The following SERPINA12 variants were observed in gnomAD, a reference collection of about 807,000 sequenced individuals.
SERPINA12 encodes the protein serpin family A member 12.
In SERPINA12, 21 loss-of-function variants were observed where a neutral mutation model predicts 25.9. The observed-to-expected ratio is 0.81, with a 90% confidence interval of 0.58 to 1.17. The LOEUF (loss-of-function observed/expected upper bound fraction) is 1.17. Ranked by LOEUF, SERPINA12 falls within the 50% of genes most tolerant of loss-of-function variation. The probability of loss-of-function intolerance (pLI) is 0.00; values close to 1 mark genes in which losing one functional copy is unlikely to be tolerated. For synonymous variants in SERPINA12, 220 were observed against 196.0 expected, an observed-to-expected ratio of 1.12 and a Z score of -1.02; for missense variants, 562 against 508.3, an observed-to-expected ratio of 1.11 and a Z score of -1.02.
At chr14:94,502,460 CAAT>C (rs1190389115) in intron 1 of SERPINA12, among the ~76,000 whole-genome samples, 5 of 152,164 alleles carry the variant, frequency 3.3e-5, no homozygotes, top group African/African-American at 9.7e-5. Flanking sequence ...GCAGACTCAA[CAAT>C]AATAATATTT....
chr14:94,498,006 T>G lies in SERPINA12; in HGVS notation c.392A>C (p.Lys131Thr). Residue 131 changes from lysine (K) to threonine (T), a missense_variant, in exon 2 of 5, where the codon AAA becomes ACA. By Grantham distance (78) the Lys-to-Thr change is moderately conservative. Transcript: ENST00000677451. ...GAACAGCGTGTTCCCAATGCTCAGT[T>G]TGAGGTCCTGGGTCTTCTGGGTCAG... Reference protein sequence around the residue: ...HELTQKTQDLKLSIGNTLFID... With the variant: ...HELTQKTQDLTLSIGNTLFID... The G allele has an allele frequency of 1.9e-6, 3 of 1,614,152 alleles. No individual in the cohort carries two copies. The highest frequency in any genetic ancestry group is 2.5e-6 in the Non-Finnish European group (3 of 1,180,012).
intron 1 of SERPINA12, among the ~76,000 whole-genome samples, chr14:94,505,489 T>G (rs1389376702): frequency 6.6e-6 from 1 of 152,176 alleles, no homozygotes; most frequent in African/African-American, 2.4e-5. Flanking sequence ...GACTTCACAC[T>G]GGCCGGCTCT....
At chr14:94,516,604 C>T (rs186731757) in intron 1 of SERPINA12, among the ~76,000 whole-genome samples, 37 of 152,332 alleles carry the variant, frequency 2.4e-4, no homozygotes, top group African/African-American at 8.4e-4. Context: ...CCAGAAATAC[C>T]TTTCTCTCGT....
chr14:94,506,665 C>A (rs1900941237), intron 1 of SERPINA12, among the ~76,000 whole-genome samples: 1 of 152,224 alleles, frequency 6.6e-6, no homozygotes, highest in Admixed American at 6.5e-5. Flanking sequence ...ATTTCTAAAG[C>A]AGTTGTTTCC....
chr14:94,505,059 G>A (rs1900884202), intron 1 of SERPINA12, among the ~76,000 whole-genome samples: 1 of 152,198 alleles, frequency 6.6e-6, no homozygotes, highest in South Asian at 2.1e-4. Context: ...ATGAGCTCCA[G>A]TGAGCAGAAA....
chr14:94,496,515 G>A lies in SERPINA12; in HGVS notation c.763C>T (p.Leu255Phe), dbSNP rs771532951. The change falls in exon 3 of 5, where the codon CTC (leucine) becomes TTC (phenylalanine). Residue 255 changes from leucine to phenylalanine, a missense_variant. Physicochemically the swap from Leu to Phe is conservative, Grantham distance 22 (BLOSUM62 0). Coordinates refer to ENST00000677451, the MANE Select transcript of SERPINA12 (RefSeq NM_001382267.1). ...GGTATTTCCAGGATGGTGCAAGAGA[G>A]CTTATCGTCATAGCCAACTTGGTAT... ...GIYQVGYDDK[L>F]SCTILEIPYQ... 2.5e-6 allele frequency: 4 copies of A among 1,613,970 alleles called. No homozygotes were observed. The highest frequency in any genetic ancestry group is 2.7e-5 in the African/African-American group (2 of 74,992).
rs763631062 is a variant in SERPINA12 at position 94,496,325 on chromosome 14, G to A, written c.905+48C>T. ...AGAGCTCAGACAGCAGAAATAAGAG[G>A]GAAGACAAGAGAAGGAAAAAGCTGC... On this transcript the variant is annotated intron_variant, in intron 3 of 4. Coordinates refer to ENST00000677451, the MANE Select transcript of SERPINA12 (RefSeq NM_001382267.1). 3.7e-6 allele frequency: 6 copies of A among 1,602,030 alleles called. No homozygotes were observed. In the African/African-American group the frequency reaches 8.0e-5, roughly 21 times the overall value.
intron 3 of SERPINA12, among the ~76,000 whole-genome samples, chr14:94,490,950 G>T (rs1278865960): frequency 1.3e-5 from 2 of 152,090 alleles, no homozygotes; most frequent in East Asian, 3.9e-4. Context: ...CTGCTTCCAG[G>T]CTCAGACCTT....
chr14:94,517,788 T>C (rs972929446), exon 1 of SERPINA12: 5 of 152,238 alleles, frequency 3.3e-5, no homozygotes, highest in African/African-American at 1.2e-4. Flanking sequence ...TCCCCTCAGA[T>C]GCCAGCCAGA....
At position 94,498,437 on chromosome 14, in the gene SERPINA12, T is replaced by A; in HGVS notation, c.-33-7A>T. The stretch of plus-strand genomic sequence containing the variant: ...ATCCTGTTGAGTAGTAGACCTGAGG[T>A]CAGCAGAAAAAAAGAACATGATAAC... On this transcript the variant is annotated splice_region_variant and splice_polypyrimidine_tract_variant and intron_variant, in intron 1 of 4. Transcript: ENST00000677451. 1 of 1,579,188 alleles carries A rather than the reference T, an allele frequency of 6.3e-7. No homozygotes were observed. Among genetic ancestry groups the A allele is most frequent in the Admixed American group, 1.9e-5 (1 of 53,728 alleles).
chr14:94,511,399 G>A, upstream of SERPINA12: 1 of 984,866 alleles, frequency 1.0e-6, no homozygotes. Context: ...AGCTTCATAA[G>A]AATTTCTTAA....
intron 1 of SERPINA12, among the ~76,000 whole-genome samples, chr14:94,498,687 A>G (rs1900580423): frequency 6.6e-6 from 1 of 152,206 alleles, no homozygotes; most frequent in African/African-American, 2.4e-5. Flanking sequence ...CAGTGTCTCA[A>G]TTCCTTTGAG....
chr14:94,510,911 T>C (rs1440280342), upstream of SERPINA12, among the ~76,000 whole-genome samples: 2 of 152,000 alleles, frequency 1.3e-5, no homozygotes, highest in Non-Finnish European at 2.9e-5. Flanking sequence ...GGTATAAGAA[T>C]GATATAATGG....
At chr14:94,511,490 C>T, upstream of SERPINA12, 1 of 985,458 alleles carries the variant, frequency 1.0e-6, no homozygotes, top group Non-Finnish European at 1.2e-6. Context: ...GAACTGTCTG[C>T]ATGCCTCACA....
intron 3 of SERPINA12, among the ~76,000 whole-genome samples, chr14:94,491,068 T>C (rs1001569121): frequency 1.3e-5 from 2 of 152,200 alleles, no homozygotes; most frequent in African/African-American, 2.4e-5. Flanking sequence ...ACCTTTCCAC[T>C]CATTCATTCA....
intron 1 of SERPINA12, among the ~76,000 whole-genome samples, chr14:94,504,526 T>C (rs1260008052): frequency 6.6e-6 from 1 of 152,384 alleles, no homozygotes; most frequent in East Asian, 1.9e-4. Flanking sequence ...ACTGGGCTTC[T>C]TGGGGTCATT....
intron 1 of SERPINA12, among the ~76,000 whole-genome samples, chr14:94,500,474 A>G (rs1900669069): frequency 6.6e-6 from 1 of 152,076 alleles, no homozygotes; most frequent in Admixed American, 6.5e-5. Context: ...CTCTCCTGCT[A>G]CTGGTTGGTT....
At chr14:94,498,584 T>A (rs1900575742) in intron 1 of SERPINA12, among the ~76,000 whole-genome samples, 154 bp from the exon 2 acceptor site, 1 of 152,216 alleles carries the variant, frequency 6.6e-6, no homozygotes, top group African/African-American at 2.4e-5. Flanking sequence ...AACTTTATAA[T>A]CACCCTGGGG....
chr14:94,507,811 C>A (rs1304065389), intron 1 of SERPINA12, among the ~76,000 whole-genome samples: 1 of 152,182 alleles, frequency 6.6e-6, no homozygotes, highest in African/African-American at 2.4e-5. Flanking sequence ...CATATGCTTA[C>A]CCTTTGACCC....
Sources: allele counts gnomAD v4.1 joint callset (sites outside exome capture counted in the v4.1 genomes callset), GRCh38; gene constraint gnomAD v4.1.1; transcripts MANE v1.5; gene names NCBI Gene and HGNC (gene_info 2026-07-23, HGNC 2026-07-21).